TLK2: variants seen among roughly 807,000 people sequenced by gnomAD.
TLK2 encodes the protein tousled like kinase 2, also known as serine/threonine-protein kinase tousled-like 2.
Under a neutral mutation model 117.3 loss-of-function variants are expected in TLK2, and 6 were observed. The observed-to-expected ratio is 0.05, with a 90% CI of 0.03 to 0.10. The LOEUF is 0.10. TLK2 is among the 10% of genes least tolerant of loss of function. The probability of loss-of-function intolerance (pLI) is 1.00; values close to 1 mark genes in which losing one functional copy is unlikely to be tolerated. For missense variants in TLK2, 299 were observed against 901.2 expected (o/e 0.33, Z 8.56); for synonymous variants, 257 against 316.7 (o/e 0.81, Z 2.00).
At chr17:62,507,290 A>C (rs1467016856) in intron 2 of TLK2, 1 of 152,182 alleles carries the variant, frequency 6.6e-6, no homozygotes, top group Non-Finnish European at 1.5e-5. Context: ...AGAAAAAAAA[A>C]AGGTAAACTT....
intron 2 of TLK2, among the ~76,000 whole-genome samples, chr17:62,489,830 C>CTTTATT (rs1055793960): frequency 6.6e-6 from 1 of 151,994 alleles, no homozygotes; most frequent in African/African-American, 2.4e-5. Flanking sequence ...CCATTGGGCT[C>CTTTATT]TTTATTTTTA....
chr17:62,485,047 CA>C (rs1567767315), intron 2 of TLK2, among the ~76,000 whole-genome samples: 1 of 151,906 alleles, frequency 6.6e-6, no homozygotes, highest in East Asian at 1.9e-4. Context: ...CAAAACAAAA[CA>C]AAAAAAGAAT....
At chr17:62,533,091 T>G (rs1567864360) in intron 6 of TLK2, among the ~76,000 whole-genome samples, 1 of 152,002 alleles carries the variant, frequency 6.6e-6, no homozygotes, top group Non-Finnish European at 1.5e-5. Context: ...TCAGGTCCTT[T>G]GCATATGTCT....
intron 2 of TLK2, among the ~76,000 whole-genome samples, chr17:62,496,412 T>C (rs2073689505): frequency 6.6e-6 from 1 of 152,200 alleles, no homozygotes; most frequent in Non-Finnish European, 1.5e-5. Flanking sequence ...TCAGATACAT[T>C]TACAGGATAA....
chr17:62,576,630 G>C lies in TLK2; in HGVS notation c.1122-79G>C, dbSNP rs2080808681. 3.8e-6 allele frequency: 4 copies of C among 1,056,730 alleles called. No individual in the cohort carries two copies. In the South Asian group the frequency reaches 3.8e-5, roughly 10 times the overall value. 65.5% of individuals were successfully genotyped at this position (1,056,730 alleles called of 1,614,324 possible). On this transcript the variant is annotated intron_variant, in intron 12 of 21. Coordinates refer to ENST00000346027, the MANE Select transcript of TLK2 (RefSeq NM_006852.6). ...AGACTGAAACTGAATATGTCTTATA[G>C]TATATTTGAGCATTTCTCTTTAAAC... is the stretch of plus-strand genomic sequence containing the variant.
chr17:62,599,977 A>G (rs1228734097), intron 17 of TLK2, among the ~76,000 whole-genome samples: 1 of 152,258 alleles, frequency 6.6e-6, no homozygotes, highest in African/African-American at 2.4e-5. Flanking sequence ...GGAAGGAAAG[A>G]GAACCCACAT....
chr17:62,503,510 C>T (rs577213407), intron 2 of TLK2, among the ~76,000 whole-genome samples: 31 of 151,324 alleles, frequency 2.0e-4, no homozygotes, highest in Admixed American at 4.0e-4. Context: ...CTCTGCCTCC[C>T]GGGTTCAGGT....
chr17:62,563,028 C>T (rs1345721964), intron 10 of TLK2, among the ~76,000 whole-genome samples: 1 of 151,832 alleles, frequency 6.6e-6, no homozygotes, highest in African/African-American at 2.4e-5. Context: ...TTATTCATAG[C>T]CAAAAAGTGG....
At chr17:62,579,807 C>A (rs150932450) in intron 14 of TLK2, among the ~76,000 whole-genome samples, 1 of 152,186 alleles carries the variant, frequency 6.6e-6, no homozygotes, top group Non-Finnish European at 1.5e-5. Flanking sequence ...AATCTCTAAT[C>A]TACCCTCCCT....
chr17:62,517,279 T>C (rs1483784549), intron 2 of TLK2, among the ~76,000 whole-genome samples: 1 of 152,228 alleles, frequency 6.6e-6, no homozygotes, highest in Non-Finnish European at 1.5e-5. Flanking sequence ...CATTTGACCA[T>C]GTATGTGAGG....
intron 6 of TLK2, among the ~76,000 whole-genome samples, chr17:62,526,263 T>C (rs1286894120): frequency 6.6e-6 from 1 of 152,260 alleles, no homozygotes; most frequent in African/African-American, 2.4e-5. Context: ...GATCTGGTCA[T>C]GAGCACTGGC....
intron 1 of TLK2, among the ~76,000 whole-genome samples, chr17:62,472,231 A>C (rs1193938004): frequency 6.6e-6 from 1 of 151,974 alleles, no homozygotes; most frequent in Non-Finnish European, 1.5e-5. Context: ...TTCACAAATC[A>C]AAGAAATTCC....
chr17:62,606,020 A>C (rs868438670), intron 19 of TLK2, 110 bp from the exon 20 acceptor site: 40 of 479,348 alleles, frequency 8.3e-5, no homozygotes, highest in Middle Eastern at 6.5e-4. Context: ...AAAAAAAAAA[A>C]AAAAAACGAT....
chr17:62,497,083 C>A (rs566201175), intron 2 of TLK2, among the ~76,000 whole-genome samples: 2 of 152,068 alleles, frequency 1.3e-5, no homozygotes, highest in African/African-American at 4.8e-5. Flanking sequence ...GTGGTGAAAC[C>A]CCATCTCTCC....
In TLK2 at chr17:62,548,240, ATGTG is replaced by A. The variant is rs59375141; in HGVS notation, c.532-4030_532-4027del. Among the ~76,000 whole-genome samples, 936 of 121,288 alleles carry A rather than the reference ATGTG, an allele frequency of 7.7e-3. 10 individuals carry two copies. The highest frequency in any genetic ancestry group is 0.026 in the African/African-American group (831 of 32,440). The allele number at this position is 121,288 out of a possible 152,430, so 79.6% of individuals were successfully genotyped here. A position where few individuals can be genotyped will look rare whatever the true frequency, so the allele number is the denominator to read the frequency against. ...TTATCATTGGGCCATATATATATAT[ATGTG>A]TGTGTGTGTGTGTGTGTGTGTGTGT... On this transcript the variant is annotated intron_variant, in intron 7 of 21. Transcript: ENST00000346027.
At chr17:62,474,597 G>A (rs2071002638), upstream of TLK2, among the ~76,000 whole-genome samples, 1 of 150,364 alleles carries the variant, frequency 6.7e-6, no homozygotes, top group Non-Finnish European at 1.5e-5. Context: ...ATTTTTAGTA[G>A]AGACTGGGTT....
rs753854633 is a variant in TLK2, at chr17:62,576,782, A to AT, written c.1188+8dup. On this transcript the variant is annotated splice_region_variant and intron_variant, in intron 13 of 21. Coordinates refer to ENST00000346027, the MANE Select transcript of TLK2 (RefSeq NM_006852.6). ...ATTAGGTCATCTTAAAAAGGTAAGT[A>AT]TAATGAGAAAATCTCCCTGGAGAAA... The AT allele has an allele frequency of 1.9e-6, 3 of 1,602,726 alleles. No homozygotes were observed. The highest frequency in any genetic ancestry group is 2.6e-6 in the Non-Finnish European group (3 of 1,170,716).
intron 15 of TLK2, among the ~76,000 whole-genome samples, chr17:62,584,773 A>G (rs1455486418): frequency 2.0e-5 from 3 of 152,236 alleles, no homozygotes; most frequent in Admixed American, 1.3e-4. Flanking sequence ...AAGTTTCTCT[A>G]TTTTATAAGC....
At chr17:62,596,251 T>G (rs1296907600) in intron 16 of TLK2, among the ~76,000 whole-genome samples, 1 of 152,136 alleles carries the variant, frequency 6.6e-6, no homozygotes, top group East Asian at 1.9e-4. Context: ...AAGTTTTATA[T>G]TTTTAGTAGA....
Sources: gnomAD v4.1 joint callset for allele counts (sites outside exome capture counted in the v4.1 genomes callset) on GRCh38, gnomAD v4.1.1 for gene constraint, MANE v1.5 for transcripts, NCBI Gene and HGNC (gene_info 2026-07-23, HGNC 2026-07-21) for gene names.